DTHD1: variants seen among roughly 807,000 people sequenced by gnomAD.
DTHD1 encodes the protein death domain-containing protein 1.
A neutral mutation model predicts 74.8 loss-of-function variants in DTHD1; 59 were observed. The observed-to-expected ratio is 0.79, with a 90% confidence interval of 0.64 to 0.98. The LOEUF (loss-of-function observed/expected upper bound fraction) is 0.98. DTHD1 is among the 50% of genes least tolerant of loss of function. The pLI is 0.00. For missense variants in DTHD1, 1,051 were observed against 1,065.4 expected (o/e 0.99, Z 0.19); for synonymous variants, 365 against 371.1 (o/e 0.98, Z 0.19).
intron 8 of DTHD1, among the ~76,000 whole-genome samples, chr4:36,318,396 G>A (rs1757851295): frequency 6.6e-6 from 1 of 152,108 alleles, no homozygotes; most frequent in South Asian, 2.1e-4. Context: ...ACCAACCAGT[G>A]AACTTGAAAG....
Position 36,281,698 on chromosome 4 carries a change from G to C in DTHD1, c.-61G>C. 1 of 1,234,028 alleles carries C rather than the reference G, an allele frequency of 8.1e-7. No individual in the cohort carries two copies. 76.4% of individuals were successfully genotyped at this position (1,234,028 alleles called of 1,614,324 possible). ...AGGAGAAATAACAATCACAAAGTTT[G>C]AATTTGCAAAACCTTTAGGCTTTGC... On this transcript the variant is annotated 5_prime_UTR_variant, in exon 1 of 10. Coordinates refer to ENST00000639862, the MANE Select transcript of DTHD1 (RefSeq NM_001170700.3).
intron 5 of DTHD1, among the ~76,000 whole-genome samples, chr4:36,300,427 A>G (rs1756692396): frequency 6.6e-6 from 1 of 152,162 alleles, no homozygotes. Flanking sequence ...CATCTACATT[A>G]CAGGAAAGGT....
chr4:36,343,816 C>T lies in DTHD1; in HGVS notation c.2713C>T (p.Pro905Ser). The change falls in exon 10 of 10, where the codon CCT (proline) becomes TCT (serine). Residue 905 changes from proline to serine, a missense_variant. Pro to Ser is a moderately conservative substitution (Grantham distance 74, BLOSUM62 -1). Coordinates refer to ENST00000639862, the MANE Select transcript of DTHD1 (RefSeq NM_001170700.3). ...TEPQQCFDVA[P>S]E ...ACCACAGCAGTGTTTTGATGTAGCC[C>T]CTGAGTAAAAGCCTGATCTCTCTTC... 1.3e-6 allele frequency: 2 copies of T among 1,545,306 alleles called. No individual in the cohort carries two copies. Among genetic ancestry groups the T allele is most frequent in the East Asian group, 2.5e-5 (1 of 40,796 alleles).
intron 5 of DTHD1, 65 bp downstream of exon 5, chr4:36,295,104 C>T: frequency 7.2e-7 from 1 of 1,395,402 alleles, no homozygotes; most frequent in Non-Finnish European, 9.4e-7. Flanking sequence ...ATGATTAAAA[C>T]TTGCAGTCAA....
chr4:36,320,082 C>T (rs1553970465), intron 8 of DTHD1, among the ~76,000 whole-genome samples: 2 of 152,150 alleles, frequency 1.3e-5, no homozygotes, highest in Non-Finnish European at 2.9e-5. Flanking sequence ...TCCCTTGTTG[C>T]TGTAATGGCT....
chr4:36,304,444 G>C (rs1756936282), intron 5 of DTHD1, among the ~76,000 whole-genome samples: 1 of 152,200 alleles, frequency 6.6e-6, no homozygotes, highest in Non-Finnish European at 1.5e-5. Flanking sequence ...TTTCAGAGTA[G>C]ACATATTAAA....
At chr4:36,310,552 C>T (rs1037709749) in intron 7 of DTHD1, among the ~76,000 whole-genome samples, 1 of 152,128 alleles carries the variant, frequency 6.6e-6, no homozygotes, top group Non-Finnish European at 1.5e-5. Context: ...TTTCTACATA[C>T]TTTACTTGAG....
chr4:36,281,967 G>A lies in DTHD1; in HGVS notation c.209G>A (p.Arg70His), dbSNP rs140029129. 4.2e-5 allele frequency: 62 copies of A among 1,486,856 alleles called. 1 individual carries two copies. Among genetic ancestry groups the A allele is most frequent in the Middle Eastern group, 1.8e-4 (1 of 5,692 alleles). The allele number at this position is 1,486,856 out of a possible 1,614,324, so 92.1% of individuals were successfully genotyped here. A position where few individuals can be genotyped will look rare whatever the true frequency, so the allele number is the denominator to read the frequency against. ...CTGGAGCACACCTCAGGCACCCTGCGTTCCACCTGCCAGCAGCTGCATGTG... is the reference window on the plus strand; with the variant it reads ...CTGGAGCACACCTCAGGCACCCTGCATTCCACCTGCCAGCAGCTGCATGTG... ...QLLEHTSGTL[R>H]STCQQLHVLL... The change falls in exon 1 of 10, where the codon CGT becomes CAT. Residue 70 changes from arginine to histidine, a missense_variant. By Grantham distance (29) the Arg-to-His change is conservative (BLOSUM62 0). Transcript: ENST00000639862.
chr4:36,300,755 T>G (rs1404550272), intron 5 of DTHD1, among the ~76,000 whole-genome samples: 1 of 152,070 alleles, frequency 6.6e-6, no homozygotes, highest in Non-Finnish European at 1.5e-5. Flanking sequence ...ATACTACATT[T>G]TCCTTTGTGC....
intron 7 of DTHD1, among the ~76,000 whole-genome samples, chr4:36,308,857 T>A (rs1024879821): frequency 1.1e-4 from 16 of 152,210 alleles, no homozygotes; most frequent in Non-Finnish European, 2.4e-4. Flanking sequence ...ATAAGAGTGA[T>A]CATTTAAAAA....
chr4:36,317,218 T>G (rs1285686726), intron 8 of DTHD1, among the ~76,000 whole-genome samples: 1 of 152,240 alleles, frequency 6.6e-6, no homozygotes, highest in Non-Finnish European at 1.5e-5. Flanking sequence ...TTGCACTGAT[T>G]TAAAATAAAT....
intron 8 of DTHD1, among the ~76,000 whole-genome samples, chr4:36,338,291 ATGTTT>A (rs1184544595): frequency 3.9e-5 from 6 of 152,150 alleles, no homozygotes; most frequent in Non-Finnish European, 8.8e-5. Flanking sequence ...CCATGTATCA[ATGTTT>A]TGTTTTATTA....
chr4:36,337,369 T>A (rs1406289630), intron 8 of DTHD1, among the ~76,000 whole-genome samples: 4 of 152,056 alleles, frequency 2.6e-5, no homozygotes, highest in African/African-American at 7.2e-5. Context: ...TGAAAAAAAA[T>A]TTAAACACTG....
intron 1 of DTHD1, 51 bp from the exon 2 acceptor site, chr4:36,283,924 AT>A: frequency 8.0e-7 from 1 of 1,246,346 alleles, no homozygotes; most frequent in East Asian, 2.5e-5. Flanking sequence ...CAGAAACATA[AT>A]TTGGTTTAGT....
Position 36,299,155 on chromosome 4 carries a change from T to C in DTHD1, c.1643+4116T>C, listed in dbSNP as rs186456716. 5.8e-4 allele frequency among the ~76,000 whole-genome samples: 89 copies of C among 152,220 alleles called. 2 individuals carry two copies. The highest frequency in any genetic ancestry group is 1.2e-3 in the Non-Finnish European group (82 of 68,008). ...CTTTTGCTTTTATGTATTTCTCTGT[T>C]TGATCACATATACTTATATTTGTCC... On this transcript the variant is annotated intron_variant, in intron 5 of 9. Transcript: ENST00000639862.
chr4:36,308,706 T>C (rs932182705), intron 7 of DTHD1, among the ~76,000 whole-genome samples: 7 of 152,206 alleles, frequency 4.6e-5, no homozygotes, highest in Non-Finnish European at 8.8e-5. Context: ...TATGGGAAGA[T>C]TCTAAGTGAC....
rs1041100472 is a variant in DTHD1, at chr4:36,347,028, T to C, written c.*3204T>C. Among the ~76,000 whole-genome samples, 10 of 152,200 alleles carry C rather than the reference T, an allele frequency of 6.6e-5. No individual in the cohort carries two copies. The highest frequency in any genetic ancestry group is 2.2e-4 in the African/African-American group (9 of 41,460). The stretch of plus-strand genomic sequence containing the variant: ...ATCACTATATTTCTCATTGAGACCC[T>C]GATTGATACCTCTCTGCACACCTTT... On this transcript the variant is annotated 3_prime_UTR_variant, in exon 10 of 10. Coordinates refer to ENST00000639862, the MANE Select transcript of DTHD1 (RefSeq NM_001170700.3).
intron 5 of DTHD1, among the ~76,000 whole-genome samples, chr4:36,296,559 A>C (rs1050177928): frequency 6.6e-6 from 1 of 152,180 alleles, no homozygotes; most frequent in Admixed American, 6.5e-5. Flanking sequence ...AGATAATATA[A>C]GTAAAATAAT....
intron 5 of DTHD1, among the ~76,000 whole-genome samples, chr4:36,298,647 T>C (rs1756583148): frequency 6.6e-6 from 1 of 152,208 alleles, no homozygotes. Flanking sequence ...AAGCATAGTC[T>C]GAATATTAAG....
Sources: allele counts gnomAD v4.1 joint callset (sites outside exome capture counted in the v4.1 genomes callset), GRCh38; gene constraint gnomAD v4.1.1; transcripts MANE v1.5; gene names NCBI Gene and HGNC (gene_info 2026-07-23, HGNC 2026-07-21).